ITGA9: variants seen among roughly 807,000 people sequenced by gnomAD.
ITGA9 encodes integrin alpha-9.
A neutral mutation model predicts 127.8 loss-of-function variants in ITGA9; 56 were observed. That is an observed-to-expected ratio of 0.44 (90% confidence interval 0.35 to 0.55). The LOEUF (loss-of-function observed/expected upper bound fraction) is 0.55, where lower values mean the gene tolerates loss of function less well. Among genes scored for constraint, ITGA9 ranks in the 20% least tolerant of loss-of-function variants. The pLI is 0.00. For missense variants in ITGA9, 1,196 were observed against 1,347.1 expected, an observed-to-expected ratio of 0.89 and a Z score of 1.76; for synonymous variants, 508 against 514.5, an observed-to-expected ratio of 0.99 and a Z score of 0.17.
chr3:37,633,141 T>G (rs1700243260), intron 16 of ITGA9, among the ~76,000 whole-genome samples: 1 of 152,138 alleles, frequency 6.6e-6, no homozygotes, highest in Non-Finnish European at 1.5e-5. Context: ...TCAATTAACT[T>G]CCAGAAGAAT....
At chr3:37,667,588 G>A (rs1488355248) in intron 17 of ITGA9, among the ~76,000 whole-genome samples, 8 of 152,190 alleles carry the variant, frequency 5.3e-5, no homozygotes, top group Admixed American at 5.2e-4. Flanking sequence ...TGGCTCCAGC[G>A]CAGCTCAGGC....
intron 19 of ITGA9, among the ~76,000 whole-genome samples, chr3:37,734,008 C>T (rs1575212998): frequency 6.6e-6 from 1 of 152,164 alleles, no homozygotes; most frequent in Non-Finnish European, 1.5e-5. Flanking sequence ...ATATCAGGCA[C>T]GTGTGGGAAT....
chr3:37,619,080 G>A (rs952573624), intron 15 of ITGA9, among the ~76,000 whole-genome samples: 1 of 152,164 alleles, frequency 6.6e-6, no homozygotes, highest in Non-Finnish European at 1.5e-5. Context: ...GACTGGAGCT[G>A]TTCCTATTTG....
At chr3:37,730,337 G>A (rs1267586899) in intron 18 of ITGA9, among the ~76,000 whole-genome samples, 1 of 152,232 alleles carries the variant, frequency 6.6e-6, no homozygotes, top group African/African-American at 2.4e-5. Flanking sequence ...ATTTAGGGTA[G>A]TGTCTACTTG....
intron 19 of ITGA9, 39 bp from the exon 20 acceptor site, chr3:37,736,865 A>C: frequency 7.5e-7 from 1 of 1,332,126 alleles, no homozygotes; most frequent in South Asian, 1.2e-5. Context: ...TAAGTTTGGA[A>C]TGCCTGCTGA....
chr3:37,508,652 AT>A, intron 8 of ITGA9, 25 bp downstream of exon 8: 1 of 1,588,394 alleles, frequency 6.3e-7, no homozygotes, highest in Non-Finnish European at 8.6e-7. Flanking sequence ...ATAAGTGACT[AT>A]TTTTTATTTG....
intron 19 of ITGA9, among the ~76,000 whole-genome samples, chr3:37,736,198 G>T (rs549805694): frequency 1.3e-5 from 2 of 152,098 alleles, no homozygotes; most frequent in African/African-American, 4.8e-5. Flanking sequence ...CATCACATAG[G>T]GGGGTTAGGC....
At chr3:37,703,995 G>A (rs1026266560) in intron 18 of ITGA9, among the ~76,000 whole-genome samples, 2 of 151,902 alleles carry the variant, frequency 1.3e-5, no homozygotes, top group African/African-American at 4.8e-5. Context: ...TGGGGCTGGG[G>A]TTCAGGCACA....
intron 16 of ITGA9, among the ~76,000 whole-genome samples, chr3:37,633,741 A>G (rs1478193459): frequency 6.6e-6 from 1 of 152,212 alleles, no homozygotes; most frequent in Non-Finnish European, 1.5e-5. Flanking sequence ...CTTAGCAGGC[A>G]TGGTGTTCTG....
At chr3:37,721,723 G>T (rs1020889169) in intron 18 of ITGA9, among the ~76,000 whole-genome samples, 44 of 152,092 alleles carry the variant, frequency 2.9e-4, no homozygotes, top group African/African-American at 1.0e-3. Context: ...CCAGCCCATT[G>T]TCTGCATTTG....
At chr3:37,626,932 T>C (rs1700181220) in intron 15 of ITGA9, among the ~76,000 whole-genome samples, 1 of 152,224 alleles carries the variant, frequency 6.6e-6, no homozygotes, top group African/African-American at 2.4e-5. Flanking sequence ...CACTGAAGAA[T>C]TTATTTTTAA....
intron 16 of ITGA9, among the ~76,000 whole-genome samples, chr3:37,645,078 A>T (rs1700364496): frequency 6.6e-6 from 1 of 152,148 alleles, no homozygotes; most frequent in Non-Finnish European, 1.5e-5. Context: ...CATGGTATTT[A>T]TATGAATACA....
chr3:37,651,938 C>A (rs1445963201), intron 16 of ITGA9, among the ~76,000 whole-genome samples: 1 of 152,016 alleles, frequency 6.6e-6, no homozygotes, highest in Non-Finnish European at 1.5e-5. Context: ...TCCTGTTCTT[C>A]CGTTCTCACC....
chr3:37,583,004 TC>T (rs968188926), intron 15 of ITGA9, among the ~76,000 whole-genome samples: 15 of 152,302 alleles, frequency 9.8e-5, no homozygotes, highest in African/African-American at 3.6e-4. Context: ...GTTATTTCCC[TC>T]CATTAGTTTG....
intron 18 of ITGA9, 134 bp downstream of exon 18, chr3:37,684,149 A>C (rs1282495853): frequency 1.2e-6 from 1 of 867,320 alleles, no homozygotes; most frequent in African/African-American, 1.7e-5. Flanking sequence ...AATGATTAGA[A>C]CTTTTTTCTT....
intron 22 of ITGA9, chr3:37,748,156 T>G (rs762765469): frequency 7.4e-5 from 35 of 472,900 alleles, no homozygotes; most frequent in Non-Finnish European, 1.1e-4. Flanking sequence ...ATATATGTTC[T>G]CTAGGCTTTT....
Position 37,757,858 on chromosome 3 carries a change from T to C in ITGA9, c.2541+7289T>C, listed in dbSNP as rs936380123. On this transcript the variant is annotated intron_variant, in intron 23 of 27. Coordinates refer to ENST00000264741, the MANE Select transcript of ITGA9 (RefSeq NM_002207.3). ...TAGGCTTTCAAGGAATGGATAATTCTTATGTTAATATAAGCTGTTCCAGAG... is the reference window on the plus strand; with the variant it reads ...TAGGCTTTCAAGGAATGGATAATTCCTATGTTAATATAAGCTGTTCCAGAG... Among the ~76,000 whole-genome samples the C allele has an allele frequency of 3.0e-4, 45 of 151,774 alleles. 1 individual carries two copies. Among genetic ancestry groups the C allele is most frequent in the Non-Finnish European group, 5.0e-4 (34 of 68,040 alleles).
intron 18 of ITGA9, among the ~76,000 whole-genome samples, chr3:37,727,126 G>T (rs971529134): frequency 1.3e-5 from 2 of 152,230 alleles, no homozygotes; most frequent in Admixed American, 1.3e-4. Context: ...TGATGATGTG[G>T]CTGACGAGGT....
At chr3:37,748,139 G>T (rs62241531) in intron 22 of ITGA9, 1 of 486,370 alleles carries the variant, frequency 2.1e-6, no homozygotes, top group Non-Finnish European at 4.1e-6. Context: ...AAGAGGAAAG[G>T]CACCTGATAT....
Sources: allele counts gnomAD v4.1 joint callset (sites outside exome capture counted in the v4.1 genomes callset), GRCh38; gene constraint gnomAD v4.1.1; transcripts MANE v1.5; gene names NCBI Gene and HGNC (gene_info 2026-07-23, HGNC 2026-07-21).